The following TLL2 variants were observed in gnomAD, a reference collection of about 807,000 sequenced individuals.
TLL2 encodes tolloid-like protein 2.
TLL2 carries 106 observed loss-of-function variants against 123.0 expected under a neutral mutation model. That is an observed-to-expected ratio of 0.86 (90% CI 0.74 to 1.01). The LOEUF (loss-of-function observed/expected upper bound fraction) is 1.01, where lower values mean the gene tolerates loss of function less well. Among genes scored for constraint, TLL2 ranks in the 50% least tolerant of loss-of-function variants. The probability of loss-of-function intolerance (pLI) is 0.00; values close to 1 mark genes in which losing one functional copy is unlikely to be tolerated. For missense variants in TLL2, 1,332 were observed against 1,336.7 expected, an observed-to-expected ratio of 1.00 and a Z score of 0.06; for synonymous variants, 494 against 516.8, an observed-to-expected ratio of 0.96 and a Z score of 0.60.
intron 4 of TLL2, among the ~76,000 whole-genome samples, chr10:96,429,471 G>C (rs769312858): frequency 1.2e-4 from 18 of 152,226 alleles, no homozygotes; most frequent in Non-Finnish European, 2.5e-4. Context: ...CCAAAACCTA[G>C]AGAGTAGGAG....
Position 96,379,071 on chromosome 10 carries a change from T to G in TLL2, c.2216A>C (p.Asp739Ala). Residue 739 changes from aspartate to alanine, a missense_variant, in exon 17 of 21, where the codon GAC (aspartate) becomes GCC (alanine). Asp to Ala is a moderately radical substitution (Grantham distance 126). Transcript: ENST00000357947. ...GCACTCATGCTGACACCCGCCGTTG[T>G]CCTTGGCACACTCGTCCTTATCTGG... ...FFSDKDECAK[D>A]NGGCQHECVN... 1.2e-6 allele frequency: 2 copies of G among 1,614,174 alleles called. No individual in the cohort carries two copies. Among genetic ancestry groups the G allele is most frequent in the Non-Finnish European group, 1.7e-6 (2 of 1,180,000 alleles).
chr10:96,478,447 G>A (rs1778699290), intron 2 of TLL2, among the ~76,000 whole-genome samples: 1 of 152,218 alleles, frequency 6.6e-6, no homozygotes, highest in Non-Finnish European at 1.5e-5. Flanking sequence ...ACGCTGAACT[G>A]TGTGTGCCCT....
intron 2 of TLL2, among the ~76,000 whole-genome samples, chr10:96,458,399 C>T (rs537700465): frequency 1.3e-5 from 2 of 152,038 alleles, no homozygotes; most frequent in South Asian, 4.2e-4. Flanking sequence ...CCAGCCTACC[C>T]AACATGGAGA....
chr10:96,426,223 G>A (rs778773766), intron 5 of TLL2, among the ~76,000 whole-genome samples: 56 of 152,078 alleles, frequency 3.7e-4, no homozygotes, highest in Non-Finnish European at 7.7e-4. Flanking sequence ...CTAGATAAAT[G>A]TATTTGGCAG....
At chr10:96,467,433 A>G (rs1847141644) in intron 2 of TLL2, among the ~76,000 whole-genome samples, 1 of 152,048 alleles carries the variant, frequency 6.6e-6, no homozygotes, top group Non-Finnish European at 1.5e-5. Context: ...GAGTCTTGCT[A>G]TGTTCCCCAG....
intron 13 of TLL2, among the ~76,000 whole-genome samples, chr10:96,389,846 G>A (rs181002332): frequency 9.5e-4 from 144 of 152,370 alleles, no homozygotes; most frequent in Non-Finnish European, 1.5e-3. Flanking sequence ...TAAGGTGCTC[G>A]GCCTTGGGAG....
chr10:96,412,717 C>G (rs1383982149), intron 8 of TLL2, among the ~76,000 whole-genome samples: 2 of 152,204 alleles, frequency 1.3e-5, no homozygotes, highest in Non-Finnish European at 2.9e-5. Context: ...CTGAGACTCC[C>G]TCCACCTTGT....
At chr10:96,508,830 G>T (rs145617206) in intron 1 of TLL2, among the ~76,000 whole-genome samples, 1 of 151,982 alleles carries the variant, frequency 6.6e-6, no homozygotes, top group African/African-American at 2.4e-5. Flanking sequence ...AAAACTGGCC[G>T]CAATGACATC....
chr10:96,428,121 G>A (rs371547580), intron 5 of TLL2, among the ~76,000 whole-genome samples: 1 of 152,166 alleles, frequency 6.6e-6, no homozygotes, highest in East Asian at 1.9e-4. Context: ...TCCAACATGA[G>A]AAGCTTTTCA....
At chr10:96,490,682 G>A (rs1389714899) in intron 1 of TLL2, among the ~76,000 whole-genome samples, 1 of 152,110 alleles carries the variant, frequency 6.6e-6, no homozygotes, top group East Asian at 1.9e-4. Context: ...CTATGGATTC[G>A]ACACACAAAG....
At position 96,423,516 on chromosome 10, in the gene TLL2, C is replaced by T. The variant is rs1846646599; in HGVS notation, c.639-789G>A. 2.0e-5 allele frequency among the ~76,000 whole-genome samples: 3 copies of T among 152,196 alleles called. No individual in the cohort carries two copies. In the South Asian group the frequency reaches 6.2e-4, roughly 32 times the overall value. Reference sequence around the variant, plus strand: ...AATACTTATATACATTTTTGTAATACTAAAATTTATTTCATCAGTCTTCTA... The same window carrying T: ...AATACTTATATACATTTTTGTAATATTAAAATTTATTTCATCAGTCTTCTA... On this transcript the variant is annotated intron_variant, in intron 5 of 20. Transcript: ENST00000357947.
intron 1 of TLL2, among the ~76,000 whole-genome samples, chr10:96,481,507 G>T (rs1024304157): frequency 6.6e-6 from 1 of 152,180 alleles, no homozygotes; most frequent in Non-Finnish European, 1.5e-5. Flanking sequence ...ATCAGAAATA[G>T]TATGTTCTGT....
intron 10 of TLL2, among the ~76,000 whole-genome samples, chr10:96,403,621 A>G (rs1022782982): frequency 1.3e-5 from 2 of 152,208 alleles, no homozygotes; most frequent in South Asian, 2.1e-4. Context: ...TTGTCTCCCC[A>G]TGTGATAGTC....
In TLL2 at chr10:96,379,063, C is replaced by T. The variant is rs1287375104; in HGVS notation, c.2224G>A (p.Gly742Arg). The change falls in exon 17 of 21, where the codon GGG (glycine) becomes AGG (arginine). Residue 742 changes from glycine to arginine, a missense_variant. Physicochemically the swap from Gly to Arg is moderately radical, Grantham distance 125. Coordinates refer to ENST00000357947, the MANE Select transcript of TLL2 (RefSeq NM_012465.4). ...DKDECAKDNG[G>R]CQHECVNTFG... Reference sequence around the variant, plus strand: ...GTGTTGACGCACTCATGCTGACACCCGCCGTTGTCCTTGGCACACTCGTCC... The same window carrying T: ...GTGTTGACGCACTCATGCTGACACCTGCCGTTGTCCTTGGCACACTCGTCC... 6.8e-6 allele frequency: 11 copies of T among 1,614,132 alleles called. No individual in the cohort carries two copies. Among genetic ancestry groups the T allele is most frequent in the Non-Finnish European group, 7.6e-6 (9 of 1,179,988 alleles).
At chr10:96,374,114 A>G in intron 18 of TLL2, 1 of 358,576 alleles carries the variant, frequency 2.8e-6, no homozygotes, top group Non-Finnish European at 5.3e-6. Flanking sequence ...GACAGCTATT[A>G]AGCGACAGAG....
intron 16 of TLL2, among the ~76,000 whole-genome samples, chr10:96,381,224 G>T (rs1410131798): frequency 1.3e-5 from 2 of 150,534 alleles, no homozygotes; most frequent in Non-Finnish European, 3.0e-5. Flanking sequence ...TCCTCCAGCC[G>T]CCTGGCCCTC....
At chr10:96,403,987 A>T (rs567716935) in intron 10 of TLL2, among the ~76,000 whole-genome samples, 13 of 152,064 alleles carry the variant, frequency 8.5e-5, no homozygotes, top group Non-Finnish European at 1.9e-4. Flanking sequence ...TAATTATGAC[A>T]TAGATTCTTT....
rs112975733 is a variant in TLL2 at position 96,373,540 on chromosome 10, C to A, written c.2662+56G>T. The A allele has an allele frequency of 9.1e-6, 14 of 1,546,282 alleles. No homozygotes were observed. In the East Asian group the frequency reaches 3.2e-4, roughly 35 times the overall value. ...AGTCCTTGTCGTGCCTTCACCATTT[C>A]TCTGTCTCCTGTCCAAGTGCTCATC... On this transcript the variant is annotated intron_variant, in intron 19 of 20. Transcript: ENST00000357947.
rs546249571 is a variant in TLL2, at chr10:96,369,629, C to T, written c.2913+436G>A. 1.2e-4 allele frequency among the ~76,000 whole-genome samples: 18 copies of T among 151,428 alleles called. No individual in the cohort carries two copies. In the East Asian group the frequency reaches 2.3e-3, roughly 20 times the overall value. On this transcript the variant is annotated intron_variant, in intron 20 of 20. Coordinates refer to ENST00000357947, the MANE Select transcript of TLL2 (RefSeq NM_012465.4). Reference sequence around the variant, plus strand: ...TACAAAAATTAGGTGGGTGTGGTGGCGCATGTCTGTAATCCCAGCTACTTG... The same window carrying T: ...TACAAAAATTAGGTGGGTGTGGTGGTGCATGTCTGTAATCCCAGCTACTTG...
Sources: gnomAD v4.1 joint callset for allele counts (sites outside exome capture counted in the v4.1 genomes callset) on GRCh38, gnomAD v4.1.1 for gene constraint, MANE v1.5 for transcripts, NCBI Gene and HGNC (gene_info 2026-07-23, HGNC 2026-07-21) for gene names.